GLRB: variants seen among roughly 807,000 people sequenced by gnomAD.
GLRB encodes glycine receptor beta.
A neutral mutation model predicts 54.2 loss-of-function variants in GLRB; 33 were observed. That is an observed-to-expected ratio of 0.61 (90% CI 0.46 to 0.81). GLRB has a LOEUF of 0.81. GLRB is among the 40% of genes least tolerant of loss of function. The pLI is 0.00. For missense variants in GLRB, 572 were observed against 584.6 expected (o/e 0.98, Z 0.22); for synonymous variants, 209 against 208.2 (o/e 1.00, Z -0.03).
intron 2 of GLRB, among the ~76,000 whole-genome samples, chr4:157,110,416 A>G (rs1293426058): frequency 6.6e-6 from 1 of 151,692 alleles, no homozygotes; most frequent in East Asian, 1.9e-4. Context: ...TGCTTATTCT[A>G]ATGTGCCACT....
intron 8 of GLRB, 81 bp from the exon 9 acceptor site, chr4:157,152,637 C>T (rs574992802): frequency 1.2e-4 from 130 of 1,086,226 alleles, no homozygotes; most frequent in East Asian, 4.2e-4. Context: ...TTACTGGAGA[C>T]GGATTTAGTC....
In GLRB at chr4:157,136,576, C is replaced by T. The variant is rs370272682; in HGVS notation, c.405C>T (p.Tyr135=). The part of the protein sequence containing the change: ...SDALTVDPTM[Y]KCLWKPDLFF... ...CACTGACAGTGGATCCAACAATGTA[C>T]AAGTGTTTATGGAAACCTGATTTAT... The change falls in exon 5 of 10, where the codon TAC becomes TAT. Residue 135 remains tyrosine (Y), a synonymous_variant. Transcript: ENST00000264428. 1.6e-5 allele frequency: 25 copies of T among 1,611,426 alleles called. No homozygotes were observed. Among genetic ancestry groups the T allele is most frequent in the East Asian group, 8.9e-5 (4 of 44,830 alleles).
intron 2 of GLRB, among the ~76,000 whole-genome samples, chr4:157,090,516 T>C (rs1734573347): frequency 2.0e-5 from 3 of 152,158 alleles, no homozygotes. Flanking sequence ...GGGAAGAGTA[T>C]TTTAATGGCC....
At chr4:157,148,235 C>T (rs1736890408) in intron 8 of GLRB, among the ~76,000 whole-genome samples, 1 of 152,032 alleles carries the variant, frequency 6.6e-6, no homozygotes, top group Non-Finnish European at 1.5e-5. Flanking sequence ...ATCTTTCATT[C>T]CTGATATTAT....
chr4:157,166,753 TTTGTAA>T (rs2126632047), intron 9 of GLRB, among the ~76,000 whole-genome samples: 1 of 152,208 alleles, frequency 6.6e-6, no homozygotes, highest in South Asian at 2.1e-4. Context: ...TTTGGAATGC[TTTGTAA>T]TGTTATGGCT....
chr4:157,117,002 G>C (rs138900623), intron 2 of GLRB, among the ~76,000 whole-genome samples: 1 of 151,518 alleles, frequency 6.6e-6, no homozygotes, highest in Non-Finnish European at 1.5e-5. Context: ...AAAGATTTTT[G>C]TCAAACAATG....
chr4:157,123,529 G>A (rs911621550), intron 4 of GLRB, among the ~76,000 whole-genome samples: 2 of 151,548 alleles, frequency 1.3e-5, no homozygotes, highest in African/African-American at 4.8e-5. Context: ...TAAAAGATTT[G>A]GGGATTATGT....
In GLRB at chr4:157,140,085, A is replaced by G. The variant is rs536774416; in HGVS notation, c.751+1136A>G. On this transcript the variant is annotated intron_variant, in intron 7 of 9. Coordinates refer to ENST00000264428, the MANE Select transcript of GLRB (RefSeq NM_000824.5). ...ACTTCAAAATACATTAGCAAATGAT[A>G]TAACTTTAATATGTAAGCATTCCTT... Among the ~76,000 whole-genome samples, 25 of 152,170 alleles carry G rather than the reference A, an allele frequency of 1.6e-4. No homozygotes were observed. The East Asian group carries it at 4.4e-3, about 27-fold the overall frequency.
At chr4:157,084,663 G>T (rs1734342523) in intron 2 of GLRB, 1 of 456,054 alleles carries the variant, frequency 2.2e-6, no homozygotes, top group African/African-American at 2.0e-5. Context: ...GTCTCCTTCA[G>T]AGAGAGATTG....
chr4:157,090,735 T>C (rs181410893), intron 2 of GLRB, among the ~76,000 whole-genome samples: 4 of 152,302 alleles, frequency 2.6e-5, no homozygotes, highest in African/African-American at 7.2e-5. Context: ...AAATACTGAT[T>C]CTCTGGGTTT....
chr4:157,093,112 G>A (rs898537062), intron 2 of GLRB, among the ~76,000 whole-genome samples: 2 of 152,060 alleles, frequency 1.3e-5, no homozygotes, highest in Admixed American at 6.6e-5. Context: ...CCATTTTCAA[G>A]CAACATATTG....
At chr4:157,081,211 A>G (rs1734209566) in intron 2 of GLRB, among the ~76,000 whole-genome samples, 1 of 152,148 alleles carries the variant, frequency 6.6e-6, no homozygotes. Flanking sequence ...TTGGACAGTT[A>G]CCTTTTTATT....
intron 8 of GLRB, among the ~76,000 whole-genome samples, chr4:157,144,708 T>G (rs530166969): frequency 1.3e-5 from 2 of 152,330 alleles, no homozygotes; most frequent in Admixed American, 1.3e-4. Flanking sequence ...CTCACACTGG[T>G]AAGACTGTGA....
intron 2 of GLRB, among the ~76,000 whole-genome samples, chr4:157,107,475 G>A (rs2126497967): frequency 6.6e-6 from 1 of 152,206 alleles, no homozygotes; most frequent in South Asian, 2.1e-4. Context: ...CAGTCTTATT[G>A]CTGAGCTGGA....
At chr4:157,113,645 A>G (rs1735500405) in intron 2 of GLRB, among the ~76,000 whole-genome samples, 1 of 151,998 alleles carries the variant, frequency 6.6e-6, no homozygotes, top group Non-Finnish European at 1.5e-5. Flanking sequence ...ATGTAATTGT[A>G]TAATTGGAGC....
chr4:157,108,844 C>G (rs960658857), intron 2 of GLRB, among the ~76,000 whole-genome samples: 2 of 152,018 alleles, frequency 1.3e-5, no homozygotes, highest in African/African-American at 4.8e-5. Flanking sequence ...GTCCATTGAT[C>G]TAGCAAACTT....
At chr4:157,145,756 A>T (rs967713579) in intron 8 of GLRB, among the ~76,000 whole-genome samples, 2 of 152,142 alleles carry the variant, frequency 1.3e-5, no homozygotes, top group African/African-American at 4.8e-5. Flanking sequence ...ACTGCTTGTT[A>T]GAAAGGCCAC....
intron 2 of GLRB, among the ~76,000 whole-genome samples, chr4:157,099,281 A>G (rs1734928069): frequency 6.6e-6 from 1 of 151,956 alleles, no homozygotes; most frequent in East Asian, 1.9e-4. Context: ...TTCAGCTGTT[A>G]CTATTGAATA....
Position 157,143,964 on chromosome 4 carries a change from G to T in GLRB, c.904+5G>T. 1.2e-6 allele frequency: 2 copies of T among 1,613,430 alleles called. No homozygotes were observed. The highest frequency in any genetic ancestry group is 1.3e-5 in the African/African-American group (1 of 74,990). The stretch of plus-strand genomic sequence containing the variant: ...GTGCTGCCAGAGTGCCCCTGGGTAA[G>T]GTGTTCCATGCTTTTTTGTCACATC... On this transcript the variant is annotated splice_donor_5th_base_variant and intron_variant, in intron 8 of 9. Transcript: ENST00000264428.
Sources: allele counts gnomAD v4.1 joint callset (sites outside exome capture counted in the v4.1 genomes callset), GRCh38; gene constraint gnomAD v4.1.1; transcripts MANE v1.5; gene names NCBI Gene and HGNC (gene_info 2026-07-23, HGNC 2026-07-21).